The following TRRAP variants were observed in gnomAD, a reference collection of about 807,000 sequenced individuals.
The protein encoded by TRRAP is transformation/transcription domain associated protein, also known as transformation/transcription domain-associated protein.
A neutral mutation model predicts 438.8 loss-of-function variants in TRRAP; 41 were observed. That is an observed-to-expected ratio of 0.09 (90% CI 0.07 to 0.12). The LOEUF is 0.12. TRRAP is among the 10% of genes least tolerant of loss of function. The pLI is 1.00. For missense variants in TRRAP, 3,122 were observed against 5,055.1 expected, an observed-to-expected ratio of 0.62 and a Z score of 11.60; for synonymous variants, 1,994 against 1,962.9, an observed-to-expected ratio of 1.02 and a Z score of -0.42.
intron 70 of TRRAP, among the ~76,000 whole-genome samples, chr7:99,009,871 C>T (rs1175190191): frequency 3.1e-4 from 45 of 145,062 alleles, no homozygotes; most frequent in Non-Finnish European, 4.8e-4. Context: ...TCTACTCCTT[C>T]ATTCTTCTCT....
intron 3 of TRRAP, among the ~76,000 whole-genome samples, chr7:98,883,438 C>T (rs1374953710): frequency 6.6e-6 from 1 of 152,156 alleles, no homozygotes; most frequent in African/African-American, 2.4e-5. Flanking sequence ...TTAAAGTCTT[C>T]TAGTATTAAA....
intron 6 of TRRAP, 32 bp downstream of exon 6, chr7:98,893,913 A>G (rs1250331341): frequency 1.5e-5 from 24 of 1,601,932 alleles, no homozygotes; most frequent in Non-Finnish European, 1.9e-5. Flanking sequence ...TAGCATTTAT[A>G]AAGTGTGTCA....
intron 52 of TRRAP, 133 bp downstream of exon 52, chr7:98,970,424 G>A (rs894179072): frequency 3.3e-5 from 37 of 1,136,662 alleles, no homozygotes; most frequent in Admixed American, 8.1e-5. Context: ...GAGGCCCCGC[G>A]CCCCACGGGC....
At chr7:98,888,502 A>C (rs921327804) in intron 3 of TRRAP, among the ~76,000 whole-genome samples, 4 of 152,142 alleles carry the variant, frequency 2.6e-5, no homozygotes, top group Non-Finnish European at 5.9e-5. Flanking sequence ...ACGCCATTGC[A>C]CTCCAGCCTG....
chr7:98,919,914 C>T lies in TRRAP; in HGVS notation c.2623-1839C>T, dbSNP rs149404319. ...GTCCCATCAACCAGCTAAGGCCATGCGAGCACAGCAGGAGGGCATGCTTGT... is the reference window on the plus strand; with the variant it reads ...GTCCCATCAACCAGCTAAGGCCATGTGAGCACAGCAGGAGGGCATGCTTGT... On this transcript the variant is annotated intron_variant, in intron 20 of 72. Coordinates refer to ENST00000456197, the MANE Select transcript of TRRAP (RefSeq NM_001375524.1). Among the ~76,000 whole-genome samples the T allele has an allele frequency of 7.3e-3, 1,112 of 152,292 alleles. 12 individuals carry two copies. Among genetic ancestry groups the T allele is most frequent in the Non-Finnish European group, 0.013 (892 of 68,026 alleles).
At chr7:99,003,719 G>A (rs1398234001) in intron 67 of TRRAP, among the ~76,000 whole-genome samples, 1 of 152,182 alleles carries the variant, frequency 6.6e-6, no homozygotes, top group Non-Finnish European at 1.5e-5. Flanking sequence ...TGTTCTGTCA[G>A]CCTCTTGGGG....
chr7:98,919,144 G>T (rs1204551483), intron 20 of TRRAP, among the ~76,000 whole-genome samples: 1 of 152,194 alleles, frequency 6.6e-6, no homozygotes. Flanking sequence ...GTTGGCCCCA[G>T]ATAGGAGTCA....
At chr7:98,903,032 G>A (rs575245171) in intron 11 of TRRAP, among the ~76,000 whole-genome samples, 1 of 82,682 alleles carries the variant, frequency 1.2e-5, no homozygotes, top group Admixed American at 1.3e-4. Context: ...TAGTCTTAAC[G>A]GTTTTTTTTT....
intron 27 of TRRAP, among the ~76,000 whole-genome samples, chr7:98,933,800 C>T (rs1197518908): frequency 6.7e-6 from 1 of 149,828 alleles, no homozygotes; most frequent in East Asian, 1.9e-4. Flanking sequence ...CTGTTGAGAA[C>T]ATCACACAAG....
At chr7:98,961,126 C>A in intron 45 of TRRAP, 135 bp from the exon 46 acceptor site, 1 of 729,358 alleles carries the variant, frequency 1.4e-6, no homozygotes, top group Non-Finnish European at 2.3e-6. Context: ...ATACGATTGT[C>A]ATTCTCTAGT....
chr7:98,994,928 G>T lies in TRRAP; in HGVS notation c.10309+80G>T. 6.4e-7 allele frequency: 1 copy of T among 1,558,330 alleles called. No homozygotes were observed. Among genetic ancestry groups the T allele is most frequent in the East Asian group, 2.3e-5 (1 of 44,386 alleles). On this transcript the variant is annotated intron_variant, in intron 67 of 72. Transcript: ENST00000456197. The surrounding 1 kb of genome is among the most constrained non-coding windows in gnomAD (Gnocchi z 4.8). ...TCCGGCTTTAGTGTTGAAGCTGATT[G>T]GATCCTTGGTTTTCTGATCACTGCA... is the stretch of plus-strand genomic sequence containing the variant.
At chr7:98,997,026 G>A (rs886571981) in intron 67 of TRRAP, among the ~76,000 whole-genome samples, 2 of 151,952 alleles carry the variant, frequency 1.3e-5, no homozygotes, top group African/African-American at 4.8e-5. Context: ...TATGTTCTTG[G>A]TGGGCACGGT....
rs999288338 is a variant in TRRAP at position 98,993,725 on chromosome 7, T to C, written c.10035T>C (p.Asn3345=). 2 of 1,614,066 alleles carry C rather than the reference T, an allele frequency of 1.2e-6. No individual in the cohort carries two copies. The highest frequency in any genetic ancestry group is 1.3e-5 in the African/African-American group (1 of 74,906). Residue 3345 remains asparagine, a synonymous_variant, in exon 66 of 73, where the codon AAT becomes AAC. Coordinates refer to ENST00000456197, the MANE Select transcript of TRRAP (RefSeq NM_001375524.1). ...IVDQMVWFRE[N]WHEEVLRQLQ... ...ATCAGATGGTCTGGTTCAGAGAAAA[T>C]TGGCATGAAGAGGTATTTGGCTCTG...
intron 10 of TRRAP, 24 bp downstream of exon 10, chr7:98,899,791 G>A (rs886577909): frequency 1.2e-6 from 2 of 1,609,648 alleles, no homozygotes; most frequent in Non-Finnish European, 1.7e-6. Flanking sequence ...GTAGCCGGCT[G>A]CCACAGTGCC....
chr7:98,997,175 G>A (rs1291422663), intron 67 of TRRAP, among the ~76,000 whole-genome samples: 1 of 151,844 alleles, frequency 6.6e-6, no homozygotes, highest in Non-Finnish European at 1.5e-5. Flanking sequence ...TCGTGGTGGC[G>A]TGCGCCTGTA....
intron 3 of TRRAP, among the ~76,000 whole-genome samples, chr7:98,888,549 A>G (rs2116277982): frequency 6.6e-6 from 1 of 152,342 alleles, no homozygotes; most frequent in Middle Eastern, 3.4e-3. Flanking sequence ...AAAAAACTTA[A>G]AAGTTGAACT....
chr7:98,906,159 T>C lies in TRRAP; in HGVS notation c.1037-18T>C, dbSNP rs1796718301. 2 of 1,611,322 alleles carry C rather than the reference T, an allele frequency of 1.2e-6. No individual in the cohort carries two copies. Among genetic ancestry groups the C allele is most frequent in the South Asian group, 2.2e-5 (2 of 90,984 alleles). On this transcript the variant is annotated intron_variant, in intron 12 of 72. Coordinates refer to ENST00000456197, the MANE Select transcript of TRRAP (RefSeq NM_001375524.1). ...TTGGTTTTGTTAGTGATCTGTGCAATGGATGTTTGTCTTCTAGAGTTCATT... is the reference window on the plus strand; with the variant it reads ...TTGGTTTTGTTAGTGATCTGTGCAACGGATGTTTGTCTTCTAGAGTTCATT...
intron 30 of TRRAP, among the ~76,000 whole-genome samples, chr7:98,942,332 C>G (rs989313500): frequency 6.6e-6 from 1 of 152,188 alleles, no homozygotes; most frequent in African/African-American, 2.4e-5. Context: ...GCCCACTGCT[C>G]CCCCGCGTGG....
At chr7:98,971,517 C>T (rs952381704) in intron 52 of TRRAP, among the ~76,000 whole-genome samples, 4 of 152,196 alleles carry the variant, frequency 2.6e-5, no homozygotes, top group African/African-American at 7.2e-5. Flanking sequence ...ATTATTTTTA[C>T]GTTTAAAGTT....
Sources: gnomAD v4.1 joint callset for allele counts (sites outside exome capture counted in the v4.1 genomes callset) on GRCh38, gnomAD v4.1.1 for gene constraint, Gnocchi (gnomAD v3.1) non-coding constraint, MANE v1.5 for transcripts, NCBI Gene and HGNC (gene_info 2026-07-23, HGNC 2026-07-21) for gene names.